The following VEPH1 variants were observed in gnomAD, a reference collection of about 807,000 sequenced individuals.
The protein encoded by VEPH1 is ventricular zone-expressed PH domain-containing protein homolog 1.
A neutral mutation model predicts 85.2 loss-of-function variants in VEPH1; 80 were observed. The observed-to-expected ratio is 0.94, with a 90% CI of 0.78 to 1.13. The LOEUF is 1.13. Among genes scored for constraint, VEPH1 ranks in the 50% most tolerant of loss-of-function variants. The pLI, the probability that VEPH1 is intolerant of heterozygous loss-of-function variation, is 0.00. For synonymous variants in VEPH1, 297 were observed against 348.0 expected, an observed-to-expected ratio of 0.85 and a Z score of 1.63; for missense variants, 955 against 980.5, an observed-to-expected ratio of 0.97 and a Z score of 0.35.
chr3:157,374,705 G>A (rs959420986), intron 7 of VEPH1, among the ~76,000 whole-genome samples: 3 of 152,170 alleles, frequency 2.0e-5, no homozygotes, highest in African/African-American at 7.2e-5. Context: ...GATGGTGGGT[G>A]GAAAAGGCCT....
chr3:157,301,121 T>TA (rs1455541755), intron 11 of VEPH1, among the ~76,000 whole-genome samples: 1 of 152,322 alleles, frequency 6.6e-6, no homozygotes, highest in East Asian at 1.9e-4. Context: ...CTCCCGGTGT[T>TA]ATCTAGCATT....
Position 157,263,262 on chromosome 3 carries a change from A to G in VEPH1, c.2266-1892T>C, listed in dbSNP as rs74993031. Among the ~76,000 whole-genome samples the G allele has an allele frequency of 2.8e-3, 424 of 152,228 alleles. 2 individuals are homozygous for G. The highest frequency in any genetic ancestry group is 9.8e-3 in the African/African-American group (406 of 41,536). ...TTCATGCTATATTAAATTATTTCCCACTATTTGAGCCGCAAGTTTTGTCAG... is the reference window on the plus strand; with the variant it reads ...TTCATGCTATATTAAATTATTTCCCGCTATTTGAGCCGCAAGTTTTGTCAG... On this transcript the variant is annotated intron_variant, in intron 13 of 13. Coordinates refer to ENST00000362010, the MANE Select transcript of VEPH1 (RefSeq NM_001167912.2).
intron 5 of VEPH1, among the ~76,000 whole-genome samples, chr3:157,421,212 A>T (rs928976531): frequency 1.3e-5 from 2 of 152,204 alleles, no homozygotes; most frequent in Non-Finnish European, 2.9e-5. Context: ...TGCTACCTTC[A>T]CAGTCTCATG....
rs548373659 is a variant in VEPH1 at position 157,340,530 on chromosome 3, C to T, written c.1735+22834G>A. Among the ~76,000 whole-genome samples the T allele has an allele frequency of 3.3e-5, 5 of 152,300 alleles. No individual in the cohort carries two copies. In the South Asian group the frequency reaches 8.3e-4, roughly 25 times the overall value. ...GTAGGTAAACAAAGCGGCCAGGAAG[C>T]TCAAACTGGGTGGAGCCCACTGCAG... is the stretch of plus-strand genomic sequence containing the variant. On this transcript the variant is annotated intron_variant, in intron 9 of 13. Coordinates refer to ENST00000362010, the MANE Select transcript of VEPH1 (RefSeq NM_001167912.2).
chr3:157,350,072 G>A (rs1437300745), intron 9 of VEPH1, among the ~76,000 whole-genome samples: 2 of 151,922 alleles, frequency 1.3e-5, no homozygotes, highest in African/African-American at 4.8e-5. Context: ...AGCAATTCTG[G>A]GCAAAAAGAA....
At chr3:157,375,413 T>A (rs1162358968) in intron 7 of VEPH1, among the ~76,000 whole-genome samples, 1 of 152,220 alleles carries the variant, frequency 6.6e-6, no homozygotes, top group Non-Finnish European at 1.5e-5. Context: ...TCCCAGGATG[T>A]CAAGATGGGA....
intron 11 of VEPH1, among the ~76,000 whole-genome samples, chr3:157,304,295 A>G (rs966246785): frequency 6.6e-6 from 1 of 152,100 alleles, no homozygotes; most frequent in Non-Finnish European, 1.5e-5. Context: ...ACCAAATGTT[A>G]GCCAGATGGG....
intron 9 of VEPH1, among the ~76,000 whole-genome samples, chr3:157,351,638 C>T (rs1366288126): frequency 1.3e-5 from 2 of 152,094 alleles, no homozygotes; most frequent in Non-Finnish European, 2.9e-5. Context: ...TATGAAACAC[C>T]TGGTTGGAGG....
chr3:157,286,535 G>A (rs754780023), intron 12 of VEPH1, 22 bp downstream of exon 12: 14 of 1,593,606 alleles, frequency 8.8e-6, no homozygotes, highest in African/African-American at 8.1e-5. Context: ...ATGGTTCTTA[G>A]CAGCAGGTAA....
intron 7 of VEPH1, among the ~76,000 whole-genome samples, chr3:157,373,901 T>C (rs986401582): frequency 2.0e-4 from 30 of 152,292 alleles, no homozygotes; most frequent in African/African-American, 7.2e-4. Context: ...ACTGTGTCCT[T>C]ACATGGCAGA....
intron 11 of VEPH1, among the ~76,000 whole-genome samples, chr3:157,300,367 G>C (rs998515934): frequency 6.6e-6 from 1 of 152,082 alleles, no homozygotes; most frequent in African/African-American, 2.4e-5. Context: ...GACTGATGCA[G>C]AACATCTGGC....
intron 12 of VEPH1, chr3:157,285,332 T>C (rs1716634707): frequency 6.6e-6 from 1 of 152,242 alleles, no homozygotes; most frequent in Non-Finnish European, 1.5e-5. Context: ...GCTTCTGCCA[T>C]CCGCACCTTT....
At chr3:157,299,559 CAA>C (rs10535235) in intron 11 of VEPH1, among the ~76,000 whole-genome samples, 40,993 of 102,406 alleles carry the variant, frequency 0.4, 6,725 homozygotes, top group Admixed American at 0.5. Flanking sequence ...GGCCCTGTCT[CAA>C]AAAAAAAAAA....
chr3:157,272,445 C>G (rs1307427243), intron 12 of VEPH1, among the ~76,000 whole-genome samples: 1 of 100,324 alleles, frequency 1.0e-5, no homozygotes, highest in Non-Finnish European at 2.1e-5. Flanking sequence ...CTTTCCTTCT[C>G]TCTCTCTCTT....
At chr3:157,327,392 A>G (rs1479601194) in intron 9 of VEPH1, among the ~76,000 whole-genome samples, 2 of 152,224 alleles carry the variant, frequency 1.3e-5, no homozygotes, top group Non-Finnish European at 2.9e-5. Context: ...TTTCTTCCTC[A>G]CTACCCAGTG....
intron 9 of VEPH1, among the ~76,000 whole-genome samples, chr3:157,354,236 T>C (rs1476651433): frequency 6.7e-6 from 1 of 149,332 alleles, no homozygotes; most frequent in East Asian, 2.0e-4. Flanking sequence ...AAAACTTCTC[T>C]AAAAAGTAAA....
At chr3:157,412,279 C>T (rs965640211) in intron 6 of VEPH1, among the ~76,000 whole-genome samples, 6 of 152,126 alleles carry the variant, frequency 3.9e-5, no homozygotes, top group African/African-American at 1.4e-4. Context: ...AGCCTTAGTT[C>T]AGACAAACTG....
At chr3:157,314,668 T>A (rs1410469422) in intron 10 of VEPH1, among the ~76,000 whole-genome samples, 1 of 152,084 alleles carries the variant, frequency 6.6e-6, no homozygotes, top group Non-Finnish European at 1.5e-5. Context: ...TTAAATAAGT[T>A]CATTATGAAA....
At chr3:157,421,183 T>C (rs1459473772) in intron 5 of VEPH1, among the ~76,000 whole-genome samples, 1 of 152,198 alleles carries the variant, frequency 6.6e-6, no homozygotes, top group Non-Finnish European at 1.5e-5. Context: ...AGATATGTGA[T>C]ATGTGGATGT....
Sources: allele counts gnomAD v4.1 joint callset (sites outside exome capture counted in the v4.1 genomes callset), GRCh38; gene constraint gnomAD v4.1.1; transcripts MANE v1.5; gene names NCBI Gene and HGNC (gene_info 2026-07-23, HGNC 2026-07-21).